Variants in COL6A3 observed in about 807,000 individuals in gnomAD.
COL6A3 encodes the protein collagen type VI alpha 3 chain, also known as collagen alpha-3(VI) chain.
A neutral mutation model predicts 274.1 loss-of-function variants in COL6A3; 137 were observed. The ratio of observed to expected loss-of-function variants is 0.50; its 90% CI spans 0.44 to 0.58. COL6A3 has a LOEUF of 0.58. Ranked by LOEUF, COL6A3 falls within the 20% of genes least tolerant of loss-of-function variation. The pLI, the probability that COL6A3 is intolerant of heterozygous loss-of-function variation, is 0.00. For synonymous variants in COL6A3, 1,650 were observed against 1,650.6 expected (o/e 1.00, Z 0.01); for missense variants, 3,950 against 4,124.9 (o/e 0.96, Z 1.16).
At chr2:237,347,245 G>C (rs559692064) in intron 31 of COL6A3, among the ~76,000 whole-genome samples, 1 of 151,424 alleles carries the variant, frequency 6.6e-6, no homozygotes, top group Admixed American at 6.6e-5. Flanking sequence ...ACTGCACTCC[G>C]CCCAGATGAC....
intron 1 of COL6A3, among the ~76,000 whole-genome samples, chr2:237,402,587 G>A (rs947502303): frequency 6.6e-5 from 10 of 152,130 alleles, no homozygotes; most frequent in African/African-American, 1.4e-4. Context: ...TCTACATGCC[G>A]CTGTATTCAA....
intron 2 of COL6A3, among the ~76,000 whole-genome samples, chr2:237,395,600 C>A (rs564658664): frequency 6.6e-6 from 1 of 152,116 alleles, no homozygotes; most frequent in African/African-American, 2.4e-5. Context: ...TAAATTCATT[C>A]TTTAGTTTGG....
At chr2:237,363,622 A>G (rs1202058790) in intron 13 of COL6A3, among the ~76,000 whole-genome samples, 14 of 152,230 alleles carry the variant, frequency 9.2e-5, no homozygotes, top group Admixed American at 9.2e-4. Context: ...CCTATTACTA[A>G]AAATATAGGA....
chr2:237,406,616 C>T (rs562261263), intron 1 of COL6A3, among the ~76,000 whole-genome samples: 2 of 151,394 alleles, frequency 1.3e-5, no homozygotes, highest in African/African-American at 4.8e-5. Flanking sequence ...AGGAGCGCCC[C>T]ATTTCTTTCT....
Position 237,378,851 on chromosome 2 carries a change from T to C in COL6A3, c.2282A>G (p.Gln761Arg). 1 of 1,614,190 alleles carries C rather than the reference T, an allele frequency of 6.2e-7. No homozygotes were observed. Among genetic ancestry groups the C allele is most frequent in the South Asian group, 1.1e-5 (1 of 91,084 alleles). Residue 761 changes from glutamine (Q) to arginine (R), a missense_variant, in exon 6 of 44, where the codon CAA becomes CGA. By Grantham distance (43) the Gln-to-Arg change is conservative. Transcript: ENST00000295550. ...TAGQSEDSYL[Q>R]AANALTRAGI... ...CGCGCGTGTCAAGGCGTTGGCAGCT[T>C]GCAAATAGGAGTCCTCAGACTGCCC... is the stretch of plus-strand genomic sequence containing the variant.
intron 37 of COL6A3, 50 bp downstream of exon 37, chr2:237,342,015 T>G: frequency 7.0e-7 from 1 of 1,436,824 alleles, no homozygotes; most frequent in Admixed American, 1.7e-5. Flanking sequence ...ATGGATATTA[T>G]GTTTTGCAAT....
intron 41 of COL6A3, 60 bp downstream of exon 41, chr2:237,334,566 T>A: frequency 1.3e-6 from 2 of 1,556,654 alleles, no homozygotes; most frequent in Non-Finnish European, 1.8e-6. Flanking sequence ...GTCTCCTTTG[T>A]GTCCTATTTG....
At chr2:237,365,333 G>A (rs562751849) in intron 12 of COL6A3, among the ~76,000 whole-genome samples, 1 of 152,052 alleles carries the variant, frequency 6.6e-6, no homozygotes, top group South Asian at 2.1e-4. Flanking sequence ...CTCACATGGT[G>A]TGTGTGTCTA....
rs747027953 is a variant in COL6A3, at chr2:237,381,301, G to A, written c.1511C>T (p.Thr504Ile). ...CACAGCGGTTATGACTTCCCTTTTT[G>A]TTGGATGGGTATTGAAATAAAATTC... ...RPEFYFNTHPTKREVITAVRK... is the reference protein window; with the variant it reads ...RPEFYFNTHPIKREVITAVRK... The change falls in exon 5 of 44, where the codon ACA becomes ATA. Residue 504 changes from threonine (T) to isoleucine (I), a missense_variant. Thr to Ile is a moderately conservative substitution (Grantham distance 89, BLOSUM62 -1). Coordinates refer to ENST00000295550, the MANE Select transcript of COL6A3 (RefSeq NM_004369.4). 6.2e-7 allele frequency: 1 copy of A among 1,614,236 alleles called. No homozygotes were observed. The highest frequency in any genetic ancestry group is 8.5e-7 in the Non-Finnish European group (1 of 1,180,046).
At position 237,341,078 on chromosome 2, in the gene COL6A3, C is replaced by T. The variant is rs759129620; in HGVS notation, c.7838G>A (p.Gly2613Glu). The change falls in exon 38 of 44, where the codon GGG (glycine) becomes GAG (glutamate). Residue 2613 changes from glycine to glutamate, a missense_variant. Physicochemically the swap from Gly to Glu is moderately conservative, Grantham distance 98 (BLOSUM62 -2). This residue lies in a region of COL6A3 where 1,284 missense variants were observed against 1,349.7 expected (regional missense o/e 0.95). Coordinates refer to ENST00000295550, the MANE Select transcript of COL6A3 (RefSeq NM_004369.4). The part of the protein sequence containing the change: ...RPSFRDRRAA[G>E]SDVDIDMAFI... ...AGCCATGTCGATGTCCACATCGCTC[C>T]CTGCCGCTCTCCTGTCCCTGAAGGA... The T allele has an allele frequency of 3.1e-6, 5 of 1,614,150 alleles. No individual in the cohort carries two copies. The highest frequency in any genetic ancestry group is 1.1e-5 in the South Asian group (1 of 91,078).
Position 237,371,616 on chromosome 2 carries a change from G to A in COL6A3, c.4285+116C>T. The A allele has an allele frequency of 6.6e-7, 1 of 1,503,894 alleles. No homozygotes were observed. Among genetic ancestry groups the A allele is most frequent in the South Asian group, 1.4e-5 (1 of 72,270 alleles). 93.2% of individuals were successfully genotyped at this position (1,503,894 alleles called of 1,614,324 possible). On this transcript the variant is annotated intron_variant, in intron 9 of 43. Transcript: ENST00000295550. The surrounding 1 kb of genome is among the most constrained non-coding windows in gnomAD (Gnocchi z 4.3). ...CTGTCTCAAAATAAAAACCATAAAG[G>A]TAAGGGCATACAACCTTTATTTTAA...
chr2:237,333,506 G>C lies in COL6A3; in HGVS notation c.9272C>G (p.Ser3091Cys). The change falls in exon 42 of 44, where the codon TCT becomes TGT. Residue 3091 changes from serine (S) to cysteine (C), a missense_variant. Ser to Cys is a moderately radical substitution (Grantham distance 112). This residue lies in a region of COL6A3 where 1,284 missense variants were observed against 1,349.7 expected (regional missense o/e 0.95). Coordinates refer to ENST00000295550, the MANE Select transcript of COL6A3 (RefSeq NM_004369.4). ...PPPPQPARSA[S>C]SSTINLMVST... is the part of the protein sequence containing the mutation. ...CACCATTAGATTGATGGTTGAACTA[G>C]AAGCTGACCTTGCTGGCTGTGGAGG... is the stretch of plus-strand genomic sequence containing the variant. 1 of 1,614,216 alleles carries C rather than the reference G, an allele frequency of 6.2e-7. No individual in the cohort carries two copies. The highest frequency in any genetic ancestry group is 8.5e-7 in the Non-Finnish European group (1 of 1,180,024).
In COL6A3 at chr2:237,388,647, AT is replaced by A. The variant is rs568142016; in HGVS notation, c.710-464del. Among the ~76,000 whole-genome samples, 690 of 152,284 alleles carry A rather than the reference AT, an allele frequency of 4.5e-3. 6 individuals are homozygous for A. The highest frequency in any genetic ancestry group is 0.016 in the African/African-American group (652 of 41,552). On this transcript the variant is annotated intron_variant, in intron 3 of 43. Coordinates refer to ENST00000295550, the MANE Select transcript of COL6A3 (RefSeq NM_004369.4). ...CCTGCCTCCTCAAATGATTAGAATA[AT>A]TTTTTATACAAATCCACAGCTACAA...
At chr2:237,341,246 C>G in intron 37 of COL6A3, 96 bp from the exon 38 acceptor site, 1 of 1,258,134 alleles carries the variant, frequency 7.9e-7, no homozygotes, top group Non-Finnish European at 1.2e-6. Context: ...TTAAAATGAT[C>G]ACATAAGATC....
intron 3 of COL6A3, among the ~76,000 whole-genome samples, chr2:237,392,376 C>T (rs4663741): frequency 0.012 from 1,843 of 152,288 alleles, 66 homozygotes; most frequent in Admixed American, 0.059. Flanking sequence ...ACTGCTCCAG[C>T]ATTCTGATTG....
At chr2:237,385,613 A>G (rs75142932) in intron 4 of COL6A3, among the ~76,000 whole-genome samples, 1,844 of 152,286 alleles carry the variant, frequency 0.012, 66 homozygotes, top group Admixed American at 0.059. Context: ...TGTCTGCAAA[A>G]CATAGGGAAA....
intron 42 of COL6A3, chr2:237,330,115 A>T (rs543734355): frequency 1.3e-5 from 2 of 152,328 alleles, no homozygotes; most frequent in Non-Finnish European, 2.9e-5. Context: ...ATTTTAAGTT[A>T]GATTTTTGTT....
rs72984195 is a variant in COL6A3, at chr2:237,344,240, G to A, written c.7668+110C>T. 51,372 of 1,547,120 alleles carry A rather than the reference G, an allele frequency of 0.033. 1,024 individuals carry two copies. Among genetic ancestry groups the A allele is most frequent in the South Asian group, 0.041 (3,648 of 89,114 alleles). On this transcript the variant is annotated intron_variant, in intron 36 of 43. Coordinates refer to ENST00000295550, the MANE Select transcript of COL6A3 (RefSeq NM_004369.4). This position sits in a 1 kb window ranked among gnomAD's most constrained non-coding sequence, Gnocchi z 4.8. ...TCAGGCAGATGGCCTCATTGGGGAC[G>A]TTTTAGGAGCTATGGGACATGAAGC...
At chr2:237,358,977 C>T (rs2077376466) in intron 20 of COL6A3, 58 bp downstream of exon 20, 1 of 1,576,336 alleles carries the variant, frequency 6.3e-7, no homozygotes, top group Non-Finnish European at 8.7e-7. Flanking sequence ...AATAACTATT[C>T]CCTAAATGAA....
Sources: allele counts gnomAD v4.1 joint callset (sites outside exome capture counted in the v4.1 genomes callset), GRCh38; gene constraint gnomAD v4.1.1; regional missense constraint gnomAD v4.1.1; non-coding constraint Gnocchi (gnomAD v3.1); transcripts MANE v1.5; gene names NCBI Gene and HGNC (gene_info 2026-07-23, HGNC 2026-07-21).